The following PCTP variants were observed in gnomAD, a reference collection of about 807,000 sequenced individuals.
PCTP encodes START domain-containing protein 2.
PCTP carries 27 observed loss-of-function variants against 31.0 expected under a neutral mutation model. The observed-to-expected ratio is 0.87, with a 90% CI of 0.64 to 1.20. PCTP has a LOEUF of 1.20. Among genes scored for constraint, PCTP ranks in the 50% most tolerant of loss-of-function variants. The pLI is 0.00. For missense variants in PCTP, 287 were observed against 268.2 expected (o/e 1.07, Z -0.49); for synonymous variants, 108 against 101.2 (o/e 1.07, Z -0.40).
At chr17:55,779,662 T>C (rs1169549649), downstream of PCTP, among the ~76,000 whole-genome samples, 1 of 152,154 alleles carries the variant, frequency 6.6e-6, no homozygotes, top group Non-Finnish European at 1.5e-5. Context: ...AAAATATGTA[T>C]TATTCTTAAC....
At chr17:55,834,491 A>G (rs934788039) in intron 5 of PCTP, among the ~76,000 whole-genome samples, 6 of 152,186 alleles carry the variant, frequency 3.9e-5, no homozygotes, top group South Asian at 2.1e-4. Flanking sequence ...AGCCACCAGG[A>G]AAGAGCCCAC....
intron 3 of PCTP, among the ~76,000 whole-genome samples, chr17:55,803,357 T>C (rs1912453242): frequency 6.6e-6 from 1 of 152,160 alleles, no homozygotes. Context: ...TAGAAAAAAC[T>C]ACTTTAAGTT....
downstream of PCTP, among the ~76,000 whole-genome samples, chr17:55,778,210 CAAA>C (rs57503627): frequency 1.8e-4 from 20 of 111,544 alleles, no homozygotes; most frequent in Admixed American, 1.9e-4. Flanking sequence ...GTGCCAAAGT[CAAA>C]AAAAAAAAAA....
chr17:55,844,529 G>C (rs1906080832), downstream of PCTP, among the ~76,000 whole-genome samples: 1 of 152,120 alleles, frequency 6.6e-6, no homozygotes, highest in African/African-American at 2.4e-5. Flanking sequence ...GTCAAATGCA[G>C]GACCTTCATT....
chr17:55,769,094 G>A lies in PCTP; in HGVS notation c.259+1642G>A, dbSNP rs112020194. On this transcript the variant is annotated intron_variant, in intron 2 of 5. Transcript: ENST00000268896. ...CCATCTGTAGACTCTGTTTTCTTCT[G>A]TGTTGACCTAATTCCTAGGCAGATT... The A allele has an allele frequency of 2.2e-3, 340 of 152,348 alleles. 1 individual carries two copies. Among genetic ancestry groups the A allele is most frequent in the African/African-American group, 7.9e-3 (327 of 41,570 alleles). 9.4% of individuals were successfully genotyped at this position (152,348 alleles called of 1,614,324 possible).
intron 3 of PCTP, among the ~76,000 whole-genome samples, chr17:55,793,195 A>C (rs1912065642): frequency 6.6e-6 from 1 of 152,090 alleles, no homozygotes; most frequent in South Asian, 2.1e-4. Flanking sequence ...ATCCTTCAGC[A>C]TATGCTGAGT....
chr17:55,820,172 C>T (rs887452225), intron 3 of PCTP, among the ~76,000 whole-genome samples: 1 of 152,158 alleles, frequency 6.6e-6, no homozygotes, highest in Non-Finnish European at 1.5e-5. Context: ...ATAAATGTAA[C>T]TTTATTAAAA....
intron 5 of PCTP, among the ~76,000 whole-genome samples, chr17:55,840,386 T>G (rs1905934938): frequency 6.6e-6 from 1 of 152,230 alleles, no homozygotes; most frequent in Non-Finnish European, 1.5e-5. Flanking sequence ...GCTTGTATAA[T>G]TCCAATCCAC....
At chr17:55,817,381 G>A (rs182315486) in intron 3 of PCTP, among the ~76,000 whole-genome samples, 2 of 152,258 alleles carry the variant, frequency 1.3e-5, no homozygotes, top group Admixed American at 1.3e-4. Flanking sequence ...TCTTGCAGTT[G>A]GCTTATTTTC....
chr17:55,833,847 G>C (rs1037748577), intron 5 of PCTP, among the ~76,000 whole-genome samples: 1 of 152,174 alleles, frequency 6.6e-6, no homozygotes, highest in African/African-American at 2.4e-5. Context: ...CTTGGATTAA[G>C]ACTTCTAGCT....
chr17:55,767,340 T>C lies in PCTP; in HGVS notation c.147T>C (p.Thr49=), dbSNP rs370459018. The C allele has an allele frequency of 5.0e-6, 8 of 1,592,630 alleles. No individual in the cohort carries two copies. The South Asian group carries it at 7.7e-5, about 15-fold the overall frequency. Residue 49 remains threonine, a synonymous_variant, in exon 2 of 6, where the codon ACT becomes ACC. Coordinates refer to ENST00000268896, the MANE Select transcript of PCTP (RefSeq NM_021213.4). The part of the protein sequence containing the change: ...ISIYRLLDKK[T]GLYEYKVFGV... ...TACCTGTTCTGTTTTTATAGAAGACTGGACTTTATGAGTATAAAGTCTTTG... is the reference window on the plus strand; with the variant it reads ...TACCTGTTCTGTTTTTATAGAAGACCGGACTTTATGAGTATAAAGTCTTTG...
At chr17:55,814,053 CAA>C (rs111612560) in intron 3 of PCTP, among the ~76,000 whole-genome samples, 94 of 120,952 alleles carry the variant, frequency 7.8e-4, no homozygotes, top group Non-Finnish European at 7.0e-4. Context: ...GACCCTGTGT[CAA>C]AAAAAAAAAA....
chr17:55,771,501 T>C (rs1484794683), intron 3 of PCTP, among the ~76,000 whole-genome samples: 2 of 152,136 alleles, frequency 1.3e-5, no homozygotes, highest in African/African-American at 4.8e-5. Flanking sequence ...GAACTTCTTA[T>C]AAAAAGTGCT....
At chr17:55,805,767 G>A (rs149205696) in intron 3 of PCTP, among the ~76,000 whole-genome samples, 119 of 152,194 alleles carry the variant, frequency 7.8e-4, no homozygotes, top group African/African-American at 2.8e-3. Context: ...TCCCATTGCT[G>A]GGAGTAGTTC....
At chr17:55,825,580 G>A (rs966590345), downstream of PCTP, among the ~76,000 whole-genome samples, 2 of 152,178 alleles carry the variant, frequency 1.3e-5, no homozygotes, top group Non-Finnish European at 2.9e-5. Context: ...CCAGAGGATG[G>A]TACTATGGTG....
rs1383888602 is a variant in PCTP, at chr17:55,775,700, C to A, written c.580-335C>A. The A allele has an allele frequency of 2.1e-5, 26 of 1,214,714 alleles. No homozygotes were observed. In the South Asian group the frequency reaches 6.5e-4, roughly 30 times the overall value. The allele number at this position is 1,214,714 out of a possible 1,614,324, so 75.2% of individuals were successfully genotyped here. The stretch of plus-strand genomic sequence containing the variant: ...TCTAATTCAGTAAAGCAAGTGCTTT[C>A]ATTTCTTTGGAAGAATGTAACAATC... On this transcript the variant is annotated intron_variant, in intron 5 of 5. Transcript: ENST00000268896.
chr17:55,786,242 C>G (rs1185441657), intron 2 of PCTP, among the ~76,000 whole-genome samples: 2 of 152,176 alleles, frequency 1.3e-5, no homozygotes, highest in Admixed American at 1.3e-4. Flanking sequence ...GCCAAGATCA[C>G]CACTGCACTC....
In PCTP at chr17:55,776,252, T is replaced by G; in HGVS notation, c.*152T>G. 1 of 1,450,294 alleles carries G rather than the reference T, an allele frequency of 6.9e-7. No homozygotes were observed. Among genetic ancestry groups the G allele is most frequent in the Non-Finnish European group, 9.1e-7 (1 of 1,103,290 alleles). The allele number at this position is 1,450,294 out of a possible 1,614,324, so 89.8% of individuals were successfully genotyped here. Reference sequence around the variant, plus strand: ...CAGCCTTCCCCTGCTGTTTCTGTCTTCAGAGGCCTACACACTACCACATCC... The same window carrying G: ...CAGCCTTCCCCTGCTGTTTCTGTCTGCAGAGGCCTACACACTACCACATCC... On this transcript the variant is annotated 3_prime_UTR_variant, in exon 6 of 6. Coordinates refer to ENST00000268896, the MANE Select transcript of PCTP (RefSeq NM_021213.4).
chr17:55,806,410 T>C (rs1265486455), intron 3 of PCTP, among the ~76,000 whole-genome samples: 1 of 152,196 alleles, frequency 6.6e-6, no homozygotes, highest in Non-Finnish European at 1.5e-5. Flanking sequence ...AGTATTTATA[T>C]CAGAGAAATT....
Sources: allele counts gnomAD v4.1 joint callset (sites outside exome capture counted in the v4.1 genomes callset), GRCh38; gene constraint gnomAD v4.1.1; transcripts MANE v1.5; gene names NCBI Gene and HGNC (gene_info 2026-07-23, HGNC 2026-07-21).